Variants in CPED1 observed in about 807,000 individuals in gnomAD.
The protein encoded by CPED1 is cadherin-like and PC-esterase domain-containing protein 1.
Under a neutral mutation model 128.2 loss-of-function variants are expected in CPED1, and 114 were observed. The observed-to-expected ratio is 0.89, with a 90% CI of 0.76 to 1.04. CPED1 has a LOEUF of 1.04. Among genes scored for constraint, CPED1 ranks in the 50% least tolerant of loss-of-function variants. CPED1 has a pLI of 0.00. For missense variants in CPED1, 1,211 were observed against 1,207.1 expected (o/e 1.00, Z -0.05); for synonymous variants, 462 against 426.7 (o/e 1.08, Z -1.02).
At chr7:121,169,486 C>T (rs1796603995) in intron 16 of CPED1, among the ~76,000 whole-genome samples, 1 of 151,776 alleles carries the variant, frequency 6.6e-6, no homozygotes, top group East Asian at 1.9e-4. Flanking sequence ...TTTTTGTTTC[C>T]ATTAAGTTCT....
At chr7:121,025,279 A>G (rs1292931376) in intron 3 of CPED1, among the ~76,000 whole-genome samples, 1 of 152,006 alleles carries the variant, frequency 6.6e-6, no homozygotes, top group African/African-American at 2.4e-5. Context: ...TCCCCAATTA[A>G]CTGTCTATAA....
At chr7:121,019,169 G>A (rs1355074216) in intron 3 of CPED1, among the ~76,000 whole-genome samples, 1 of 152,032 alleles carries the variant, frequency 6.6e-6, no homozygotes, top group Non-Finnish European at 1.5e-5. Flanking sequence ...TGGGTGTTAT[G>A]TCACCCCACC....
intron 17 of CPED1, among the ~76,000 whole-genome samples, chr7:121,243,228 A>ATAAT (rs1165941453): frequency 6.6e-6 from 1 of 152,198 alleles, no homozygotes; most frequent in East Asian, 1.9e-4. Context: ...TATCAGAGAA[A>ATAAT]TAATTGCATA....
intron 22 of CPED1, among the ~76,000 whole-genome samples, chr7:121,294,789 T>C (rs1443292292): frequency 7.0e-6 from 1 of 142,184 alleles, no homozygotes; most frequent in Non-Finnish European, 1.5e-5. Flanking sequence ...AAGATGGAGT[T>C]ACTTTAGCCT....
chr7:121,294,644 T>A (rs1320585644), intron 22 of CPED1, among the ~76,000 whole-genome samples: 1 of 151,958 alleles, frequency 6.6e-6, no homozygotes, highest in African/African-American at 2.4e-5. Flanking sequence ...TATGATAACA[T>A]CAAGGTTGTT....
Position 121,242,174 on chromosome 7 carries a change from G to A in CPED1, c.2174-2028G>A, listed in dbSNP as rs200291522. On this transcript the variant is annotated intron_variant, in intron 17 of 22. Transcript: ENST00000310396. ...TCCATTATGCATTACTTGTTTTTACGCTATAGTTATTCTATATTACGTATA... is the reference window on the plus strand; with the variant it reads ...TCCATTATGCATTACTTGTTTTTACACTATAGTTATTCTATATTACGTATA... 5.3e-5 allele frequency among the ~76,000 whole-genome samples: 8 copies of A among 152,174 alleles called. No individual in the cohort carries two copies. In the East Asian group the frequency reaches 7.7e-4, roughly 15 times the overall value.
chr7:121,163,056 AC>A (rs1358107684), intron 16 of CPED1, among the ~76,000 whole-genome samples: 5 of 152,226 alleles, frequency 3.3e-5, no homozygotes, highest in Non-Finnish European at 5.9e-5. Flanking sequence ...AACAAAGTCT[AC>A]CTGAGGTTTA....
At chr7:121,198,099 A>G (rs1797310240) in intron 16 of CPED1, among the ~76,000 whole-genome samples, 1 of 152,138 alleles carries the variant, frequency 6.6e-6, no homozygotes, top group African/African-American at 2.4e-5. Context: ...TTACAATAAA[A>G]AGTCAGAAAA....
chr7:121,009,503 A>T (rs1393701425), intron 2 of CPED1, among the ~76,000 whole-genome samples: 1 of 149,884 alleles, frequency 6.7e-6, no homozygotes, highest in Non-Finnish European at 1.5e-5. Flanking sequence ...GCTACTTGGG[A>T]GGCTGAGATG....
intron 7 of CPED1, among the ~76,000 whole-genome samples, chr7:121,111,640 T>A (rs1015530840): frequency 5.3e-5 from 8 of 152,048 alleles, no homozygotes; most frequent in Non-Finnish European, 1.2e-4. Flanking sequence ...CAGAGTGAAG[T>A]TAGAGAAGTT....
At chr7:121,284,464 G>C (rs1338256623) in intron 22 of CPED1, among the ~76,000 whole-genome samples, 1 of 152,060 alleles carries the variant, frequency 6.6e-6, no homozygotes, top group Non-Finnish European at 1.5e-5. Flanking sequence ...TAACCCAAAA[G>C]TCAAAGTCTA....
chr7:121,114,832 T>C (rs1213971956), intron 7 of CPED1, among the ~76,000 whole-genome samples: 2 of 152,256 alleles, frequency 1.3e-5, no homozygotes, highest in Non-Finnish European at 1.5e-5. Flanking sequence ...AGTTCTCATA[T>C]AAAAATAATG....
intron 18 of CPED1, among the ~76,000 whole-genome samples, chr7:121,255,465 A>T (rs1798780397): frequency 6.6e-6 from 1 of 152,114 alleles, no homozygotes; most frequent in African/African-American, 2.4e-5. Flanking sequence ...ATCATATGGA[A>T]TGGGCAAAAA....
At chr7:121,029,594 T>C (rs1032208382) in intron 3 of CPED1, among the ~76,000 whole-genome samples, 1 of 152,172 alleles carries the variant, frequency 6.6e-6, no homozygotes, top group Non-Finnish European at 1.5e-5. Context: ...TACATTTTCA[T>C]TGGTGTGTTT....
At chr7:121,057,840 G>C (rs946292167) in intron 4 of CPED1, among the ~76,000 whole-genome samples, 1 of 152,142 alleles carries the variant, frequency 6.6e-6, no homozygotes, top group Non-Finnish European at 1.5e-5. Context: ...ATGGGTAGAC[G>C]GGGGAAAATA....
At chr7:121,224,648 T>C (rs189906620) in intron 16 of CPED1, among the ~76,000 whole-genome samples, 48 of 152,276 alleles carry the variant, frequency 3.2e-4, no homozygotes, top group Non-Finnish European at 6.0e-4. Context: ...TACTCCTGTA[T>C]TGGGTGCATA....
At chr7:121,028,554 A>G (rs972095687) in intron 3 of CPED1, among the ~76,000 whole-genome samples, 2 of 152,216 alleles carry the variant, frequency 1.3e-5, no homozygotes, top group African/African-American at 4.8e-5. Flanking sequence ...TAGCACAAGC[A>G]GCTGAATTTA....
At chr7:121,144,502 G>A (rs184918457) in intron 16 of CPED1, among the ~76,000 whole-genome samples, 108 of 152,136 alleles carry the variant, frequency 7.1e-4, no homozygotes, top group African/African-American at 2.4e-3. Context: ...GAGATAAAGA[G>A]TAGAATGCTG....
chr7:121,044,650 C>T (rs34532100), intron 3 of CPED1, among the ~76,000 whole-genome samples: 71,153 of 103,230 alleles, frequency 0.69, 25,911 homozygotes, highest in Admixed American at 0.79. Context: ...ACTTTCTGCT[C>T]TTTTTTTTTT....
Sources: gnomAD v4.1 joint callset for allele counts (sites outside exome capture counted in the v4.1 genomes callset) on GRCh38, gnomAD v4.1.1 for gene constraint, MANE v1.5 for transcripts, NCBI Gene and HGNC (gene_info 2026-07-23, HGNC 2026-07-21) for gene names.